Variants in NTRK2 observed in about 807,000 individuals in gnomAD.
NTRK2 encodes BDNF/NT-3 growth factors receptor.
A neutral mutation model predicts 94.5 loss-of-function variants in NTRK2; 13 were observed. The ratio of observed to expected loss-of-function variants is 0.14; its 90% CI spans 0.09 to 0.22. The LOEUF is 0.22. Among genes scored for constraint, NTRK2 ranks in the 10% least tolerant of loss-of-function variants. NTRK2 has a pLI of 1.00. For synonymous variants in NTRK2, 372 were observed against 407.4 expected (o/e 0.91, Z 1.05); for missense variants, 639 against 1,071.2 (o/e 0.60, Z 5.63).
chr9:84,786,548 G>A (rs1324732980), intron 12 of NTRK2, among the ~76,000 whole-genome samples: 1 of 152,044 alleles, frequency 6.6e-6, no homozygotes, highest in Non-Finnish European at 1.5e-5. Context: ...CTCCAAAATA[G>A]GATATGTTGT....
chr9:84,782,768 A>C (rs2133065815), intron 12 of NTRK2, among the ~76,000 whole-genome samples: 1 of 152,258 alleles, frequency 6.6e-6, no homozygotes, highest in Non-Finnish European at 1.5e-5. Flanking sequence ...CTGGAGTATA[A>C]CGGTTCAGGC....
chr9:84,751,267 T>C (rs574623905), intron 11 of NTRK2, among the ~76,000 whole-genome samples: 12 of 152,286 alleles, frequency 7.9e-5, no homozygotes, highest in South Asian at 2.1e-4. Context: ...ATGAACCCCA[T>C]TGTATTCTTC....
chr9:84,873,538 T>C lies in NTRK2; in HGVS notation c.1633+6107T>C, dbSNP rs148684948. The C allele has an allele frequency of 1.4e-4, 147 of 1,055,052 alleles. No individual in the cohort carries two copies. The East Asian group carries it at 7.6e-3, about 54-fold the overall frequency. The allele number at this position is 1,055,052 out of a possible 1,614,324, so 65.4% of individuals were successfully genotyped here. A position where few individuals can be genotyped will look rare whatever the true frequency, so the allele number is the denominator to read the frequency against. On this transcript the variant is annotated intron_variant, in intron 14 of 18. Transcript: ENST00000277120. ...TGCTAGCTACAACAATTTGATATCA[T>C]ATTCCCTTTTCAACTCCAAAGGAGA...
intron 15 of NTRK2, among the ~76,000 whole-genome samples, chr9:84,937,583 A>C (rs1797391098): frequency 6.6e-6 from 1 of 152,164 alleles, no homozygotes; most frequent in African/African-American, 2.4e-5. Flanking sequence ...TTTGGATCCA[A>C]CCAGATTGTC....
In NTRK2 at chr9:85,009,990, G is replaced by C. The variant is rs557133695; in HGVS notation, c.2173-10216G>C. Among the ~76,000 whole-genome samples, 17 of 152,310 alleles carry C rather than the reference G, an allele frequency of 1.1e-4. No homozygotes were observed. In the South Asian group the frequency reaches 3.3e-3, roughly 30 times the overall value. ...CATCTCAGGCTAATGGTGGAATGTAGATTCCAGAAGTCTTCAGTATTAATG... is the reference window on the plus strand; with the variant it reads ...CATCTCAGGCTAATGGTGGAATGTACATTCCAGAAGTCTTCAGTATTAATG... On this transcript the variant is annotated intron_variant, in intron 17 of 18. Coordinates refer to ENST00000277120, the MANE Select transcript of NTRK2 (RefSeq NM_006180.6).
chr9:85,018,100 A>G (rs562831309), intron 17 of NTRK2, among the ~76,000 whole-genome samples: 217 of 152,196 alleles, frequency 1.4e-3, no homozygotes, highest in Non-Finnish European at 2.7e-3. Flanking sequence ...TGTGTGGATG[A>G]AAATGGTCTG....
intron 17 of NTRK2, among the ~76,000 whole-genome samples, chr9:84,961,466 A>G (rs914088179): frequency 6.6e-6 from 1 of 152,236 alleles, no homozygotes; most frequent in Non-Finnish European, 1.5e-5. Context: ...GGAGAAGTCT[A>G]TTAAGTTCAG....
intron 2 of NTRK2, among the ~76,000 whole-genome samples, chr9:84,675,697 G>T (rs1228290962): frequency 6.6e-6 from 1 of 152,126 alleles, no homozygotes; most frequent in Non-Finnish European, 1.5e-5. Flanking sequence ...AAAAAACCCT[G>T]AATCTTGGAT....
chr9:84,948,599 G>A lies in NTRK2; in HGVS notation c.1902G>A (p.Glu634=), dbSNP rs1382979828. 16 of 1,614,128 alleles carry A rather than the reference G, an allele frequency of 9.9e-6. No homozygotes were observed. The highest frequency in any genetic ancestry group is 1.7e-5 in the Admixed American group (1 of 60,020). ...VEGDPLIMVF[E]YMKHGDLNKF... ...GCGACCCCCTCATCATGGTCTTTGA[G>A]TACATGAAGCATGGGGACCTCAACA... is the stretch of plus-strand genomic sequence containing the variant. The change falls in exon 16 of 19, where the codon GAG becomes GAA. Residue 634 remains glutamate, a synonymous_variant. Coordinates refer to ENST00000277120, the MANE Select transcript of NTRK2 (RefSeq NM_006180.6).
intron 2 of NTRK2, among the ~76,000 whole-genome samples, chr9:84,678,058 C>A (rs908697026): frequency 1.6e-4 from 24 of 152,178 alleles, no homozygotes; most frequent in African/African-American, 5.3e-4. Context: ...CATAGACACA[C>A]ACCATAATGT....
chr9:84,922,431 A>G (rs1346932380), intron 14 of NTRK2, among the ~76,000 whole-genome samples: 1 of 152,176 alleles, frequency 6.6e-6, no homozygotes, highest in African/African-American at 2.4e-5. Flanking sequence ...CAGTTTTTAC[A>G]TTCTGCCTTT....
intron 15 of NTRK2, among the ~76,000 whole-genome samples, chr9:84,944,215 T>TCA (rs56021326): frequency 0.031 from 3,787 of 120,296 alleles, 89 homozygotes; most frequent in African/African-American, 0.062. Flanking sequence ...TCTCTCTCTC[T>TCA]CACACACACA....
chr9:84,719,444 T>C (rs1308050510), intron 6 of NTRK2, among the ~76,000 whole-genome samples: 2 of 152,200 alleles, frequency 1.3e-5, no homozygotes, highest in African/African-American at 4.8e-5. Context: ...AAACCCACAT[T>C]AGATTTTATA....
intron 13 of NTRK2, among the ~76,000 whole-genome samples, chr9:84,864,279 C>T (rs564318836): frequency 4.6e-5 from 7 of 151,634 alleles, no homozygotes; most frequent in Non-Finnish European, 1.0e-4. Flanking sequence ...TCTCTGACAG[C>T]ACGTGGAGTC....
chr9:84,860,067 G>A (rs980498926), intron 12 of NTRK2, among the ~76,000 whole-genome samples: 6 of 152,190 alleles, frequency 3.9e-5, no homozygotes, highest in Non-Finnish European at 7.3e-5. Context: ...TGTGCAAAGT[G>A]CTTTTCTGTA....
intron 12 of NTRK2, among the ~76,000 whole-genome samples, chr9:84,796,160 G>A (rs987831858): frequency 6.6e-6 from 1 of 152,072 alleles, no homozygotes; most frequent in Admixed American, 6.5e-5. Context: ...GGGATCCAGG[G>A]TTATTAAGGT....
chr9:84,960,475 A>AT (rs1192719180), intron 17 of NTRK2, among the ~76,000 whole-genome samples: 1 of 152,236 alleles, frequency 6.6e-6, no homozygotes, highest in Non-Finnish European at 1.5e-5. Flanking sequence ...GACTGTGTTT[A>AT]TTTTTAAGAA....
chr9:84,723,485 G>A, intron 6 of NTRK2, 88 bp from the exon 7 acceptor site: 2 of 1,458,246 alleles, frequency 1.4e-6, no homozygotes, highest in Non-Finnish European at 1.9e-6. Context: ...GATTTTTAAA[G>A]CATAAACAGT....
intron 12 of NTRK2, among the ~76,000 whole-genome samples, chr9:84,820,144 GCTTA>G (rs2072694043): frequency 6.6e-6 from 1 of 150,664 alleles, no homozygotes. Flanking sequence ...ACTACTAATA[GCTTA>G]CTTTTTTTCT....
Sources: allele counts gnomAD v4.1 joint callset (sites outside exome capture counted in the v4.1 genomes callset), GRCh38; gene constraint gnomAD v4.1.1; transcripts MANE v1.5; gene names NCBI Gene and HGNC (gene_info 2026-07-23, HGNC 2026-07-21).